The following METTL25 variants were observed in gnomAD, a reference collection of about 807,000 sequenced individuals.
The protein encoded by METTL25 is probable methyltransferase-like protein 25.
In METTL25, 64 loss-of-function variants were observed where a neutral mutation model predicts 71.6. The observed-to-expected ratio is 0.89, with a 90% CI of 0.73 to 1.10. The LOEUF is 1.10. Ranked by LOEUF, METTL25 falls within the 50% of genes least tolerant of loss-of-function variation. METTL25 has a pLI of 0.00. For synonymous variants in METTL25, 287 were observed against 250.3 expected, an observed-to-expected ratio of 1.15 and a Z score of -1.38; for missense variants, 807 against 707.0, an observed-to-expected ratio of 1.14 and a Z score of -1.60.
At chr12:82,445,606 A>T (rs993231748) in intron 8 of METTL25, among the ~76,000 whole-genome samples, 1 of 152,168 alleles carries the variant, frequency 6.6e-6, no homozygotes, top group Non-Finnish European at 1.5e-5. Context: ...TTAGGGCAGT[A>T]CCATAAACCT....
At position 82,386,910 on chromosome 12, in the gene METTL25, T is replaced by G. The variant is rs1268407408; in HGVS notation, c.367T>G (p.Cys123Gly). The G allele has an allele frequency of 1.2e-6, 2 of 1,613,406 alleles. No individual in the cohort carries two copies. The highest frequency in any genetic ancestry group is 2.7e-5 in the African/African-American group (2 of 74,876). ...KYYSVQNLGI[C>G]TPFEQLLVAL... Reference sequence around the variant, plus strand: ...CTATTCTGTACAAAACTTGGGAATATGTACTCCTTTTGAACAGTTGCTTGT... The same window carrying G: ...CTATTCTGTACAAAACTTGGGAATAGGTACTCCTTTTGAACAGTTGCTTGT... Residue 123 changes from cysteine to glycine, a missense_variant, in exon 2 of 12, where the codon TGT becomes GGT. Coordinates refer to ENST00000248306, the MANE Select transcript of METTL25 (RefSeq NM_032230.3).
chr12:82,372,545 T>TA (rs1315008077), intron 1 of METTL25, among the ~76,000 whole-genome samples: 3 of 152,194 alleles, frequency 2.0e-5, no homozygotes, highest in Admixed American at 6.5e-5. Flanking sequence ...CCTTCCCTTT[T>TA]ACAGAAAAGG....
chr12:82,450,495 GTCTC>G (rs941468802), intron 8 of METTL25, among the ~76,000 whole-genome samples: 2 of 152,008 alleles, frequency 1.3e-5, no homozygotes, highest in Admixed American at 1.3e-4. Flanking sequence ...TTCCTAGTTG[GTCTC>G]TCTCTTCTAC....
chr12:82,430,800 C>T, intron 5 of METTL25, 93 bp from the exon 6 acceptor site: 1 of 663,418 alleles, frequency 1.5e-6, no homozygotes, highest in East Asian at 2.8e-5. Context: ...TTTACTTTCT[C>T]AATGACTGAT....
chr12:82,470,855 T>A (rs1592779321), intron 9 of METTL25, among the ~76,000 whole-genome samples: 1 of 152,208 alleles, frequency 6.6e-6, no homozygotes, highest in Non-Finnish European at 1.5e-5. Flanking sequence ...AGTATAGATT[T>A]GCGAGGGCTA....
intron 5 of METTL25, among the ~76,000 whole-genome samples, chr12:82,405,557 G>A (rs1234018797): frequency 6.6e-6 from 1 of 152,038 alleles, no homozygotes; most frequent in Non-Finnish European, 1.5e-5. Flanking sequence ...GTTACTCCTT[G>A]CTAATCCATT....
At position 82,386,838 on chromosome 12, in the gene METTL25, T is replaced by TC; in HGVS notation, c.296dup (p.Gln100SerfsTer28). ...TTTTCCCAAAATATTTTGTGAAACT[T>TC]CTCAGAAGTTGGTGAGTGTGGAAGC... On this transcript the variant is annotated frameshift_variant, in exon 2 of 12. Coordinates refer to ENST00000248306, the MANE Select transcript of METTL25 (RefSeq NM_032230.3). LOFTEE classifies it high-confidence loss of function. The TC allele has an allele frequency of 6.2e-7, 1 of 1,613,390 alleles. No individual in the cohort carries two copies. The highest frequency in any genetic ancestry group is 8.5e-7 in the Non-Finnish European group (1 of 1,179,608).
At chr12:82,471,494 A>T (rs1179354046) in intron 9 of METTL25, among the ~76,000 whole-genome samples, 3 of 152,248 alleles carry the variant, frequency 2.0e-5, no homozygotes, top group African/African-American at 7.2e-5. Flanking sequence ...GAGCACAGTG[A>T]CTAGTAGCAT....
intron 5 of METTL25, among the ~76,000 whole-genome samples, chr12:82,411,109 CAT>C (rs1295380144): frequency 1.3e-5 from 2 of 151,968 alleles, no homozygotes; most frequent in African/African-American, 2.4e-5. Flanking sequence ...AAGCTGGAAA[CAT>C]ATATCTAGTC....
chr12:82,445,800 G>T (rs1446648309), intron 8 of METTL25, among the ~76,000 whole-genome samples: 1 of 152,182 alleles, frequency 6.6e-6, no homozygotes, highest in African/African-American at 2.4e-5. Flanking sequence ...AAGGACTACT[G>T]TAAAAAGAGA....
chr12:82,363,829 G>T (rs556680274), intron 1 of METTL25, among the ~76,000 whole-genome samples: 9 of 152,090 alleles, frequency 5.9e-5, no homozygotes, highest in African/African-American at 2.2e-4. Context: ...AGAATTGAAG[G>T]ATAGTGTGAC....
At chr12:82,377,896 A>G (rs1592607021) in intron 1 of METTL25, among the ~76,000 whole-genome samples, 1 of 152,224 alleles carries the variant, frequency 6.6e-6, no homozygotes. Flanking sequence ...TAGGTGATTC[A>G]TAGCCCTTGT....
intron 9 of METTL25, among the ~76,000 whole-genome samples, chr12:82,465,359 A>G (rs1892159054): frequency 6.6e-6 from 1 of 151,960 alleles, no homozygotes; most frequent in Admixed American, 6.6e-5. Flanking sequence ...CTATTGAGAT[A>G]ATATTATAGT....
In METTL25 at chr12:82,438,791, G is replaced by T; in HGVS notation, c.1478G>T (p.Cys493Phe). Residue 493 changes from cysteine to phenylalanine, a missense_variant and splice_region_variant, in exon 8 of 12, where the codon TGT (cysteine) becomes TTT (phenylalanine). Cys to Phe is a radical substitution (Grantham distance 205). Coordinates refer to ENST00000248306, the MANE Select transcript of METTL25 (RefSeq NM_032230.3). ...AAAGATTGTTATGGCATCACCAAATGGTATGAGGATTTTATTTTAATAAGA... is the reference window on the plus strand; with the variant it reads ...AAAGATTGTTATGGCATCACCAAATTGTATGAGGATTTTATTTTAATAAGA... Reference protein sequence around the residue: ...IIKDCYGITKCDRHVGKIYSK... With the variant: ...IIKDCYGITKFDRHVGKIYSK... 1 of 1,487,080 alleles carries T rather than the reference G, an allele frequency of 6.7e-7. No homozygotes were observed. Among genetic ancestry groups the T allele is most frequent in the Non-Finnish European group, 9.2e-7 (1 of 1,087,854 alleles). The allele number at this position is 1,487,080 out of a possible 1,614,324, so 92.1% of individuals were successfully genotyped here. A position where few individuals can be genotyped will look rare whatever the true frequency, so the allele number is the denominator to read the frequency against.
intron 5 of METTL25, among the ~76,000 whole-genome samples, chr12:82,416,473 T>G (rs1887995104): frequency 6.9e-6 from 1 of 145,354 alleles, no homozygotes; most frequent in Non-Finnish European, 1.5e-5. Context: ...AGACAGGGTC[T>G]CACTCTGTTG....
At chr12:82,428,008 C>G (rs1178849378) in intron 5 of METTL25, among the ~76,000 whole-genome samples, 1 of 151,930 alleles carries the variant, frequency 6.6e-6, no homozygotes, top group Non-Finnish European at 1.5e-5. Context: ...GAAGGTTCTT[C>G]TGTTTTTTTG....
rs752023261 is a variant in METTL25 at position 82,462,258 on chromosome 12, A to G, written c.1572+5438A>G. Among the ~76,000 whole-genome samples, 6 of 152,308 alleles carry G rather than the reference A, an allele frequency of 3.9e-5. No homozygotes were observed. The East Asian group carries it at 7.7e-4, about 20-fold the overall frequency. On this transcript the variant is annotated intron_variant, in intron 9 of 11. Transcript: ENST00000248306. Reference sequence around the variant, plus strand: ...GCTTTAACACTCAGTAATGATGTCTATGATACAAGACCATGAATATACAGT... The same window carrying G: ...GCTTTAACACTCAGTAATGATGTCTGTGATACAAGACCATGAATATACAGT...
At chr12:82,468,622 T>G (rs1565887907) in intron 9 of METTL25, 1 of 152,190 alleles carries the variant, frequency 6.6e-6, no homozygotes, top group African/African-American at 2.4e-5. Context: ...TGCCCTATAT[T>G]TGGATCCTCA....
intron 3 of METTL25, among the ~76,000 whole-genome samples, chr12:82,390,630 C>T (rs1465945686): frequency 6.6e-6 from 1 of 151,978 alleles, no homozygotes; most frequent in Non-Finnish European, 1.5e-5. Context: ...TTCATCAAAA[C>T]TTGAGAGTTT....
Sources: gnomAD v4.1 joint callset for allele counts (sites outside exome capture counted in the v4.1 genomes callset) on GRCh38, gnomAD v4.1.1 for gene constraint, MANE v1.5 for transcripts, NCBI Gene and HGNC (gene_info 2026-07-23, HGNC 2026-07-21) for gene names.